Variants in ATRNL1 observed in about 807,000 individuals in gnomAD.
ATRNL1 encodes the protein attractin-like protein 1.
ATRNL1 carries 95 observed loss-of-function variants against 182.7 expected under a neutral mutation model. That is an observed-to-expected ratio of 0.52 (90% CI 0.44 to 0.62). The LOEUF is 0.62. ATRNL1 is among the 20% of genes least tolerant of loss of function. ATRNL1 has a pLI of 0.00. For missense variants in ATRNL1, 1,471 were observed against 1,679.5 expected, an observed-to-expected ratio of 0.88 and a Z score of 2.17; for synonymous variants, 576 against 568.3, an observed-to-expected ratio of 1.01 and a Z score of -0.19.
At chr10:115,122,620 TTTA>T (rs1229584496) in intron 3 of ATRNL1, among the ~76,000 whole-genome samples, 1 of 152,108 alleles carries the variant, frequency 6.6e-6, no homozygotes, top group Non-Finnish European at 1.5e-5. Context: ...AATTTTTCTT[TTTA>T]TTATTCATGT....
chr10:115,688,136 T>C (rs988442859), intron 26 of ATRNL1, among the ~76,000 whole-genome samples: 1 of 152,288 alleles, frequency 6.6e-6, no homozygotes, highest in Admixed American at 6.5e-5. Flanking sequence ...TTGCTGGAAA[T>C]GACATGATTT....
chr10:115,628,388 T>A (rs1858252614), intron 26 of ATRNL1, among the ~76,000 whole-genome samples: 1 of 152,160 alleles, frequency 6.6e-6, no homozygotes, highest in Non-Finnish European at 1.5e-5. Flanking sequence ...TGGAGAAACG[T>A]CTATTCAAGT....
chr10:115,395,895 A>G (rs1844263736), intron 20 of ATRNL1, among the ~76,000 whole-genome samples: 1 of 151,740 alleles, frequency 6.6e-6, no homozygotes, highest in South Asian at 2.1e-4. Context: ...ATACATGTTT[A>G]TATTAGGTAT....
intron 26 of ATRNL1, among the ~76,000 whole-genome samples, chr10:115,641,365 G>A (rs1859235256): frequency 6.6e-6 from 1 of 152,080 alleles, no homozygotes; most frequent in African/African-American, 2.4e-5. Context: ...TTACTTGTTT[G>A]ATAGGCTCTA....
rs1316618069 is a variant in ATRNL1, at chr10:115,190,848, C to T, written c.1348+19556C>T. ...CTATCTGTATTTTTGTACCCATTAA[C>T]CAGCCTCACTTTATCCCCTGCTCTC... On this transcript the variant is annotated intron_variant, in intron 8 of 28. Transcript: ENST00000355044. Among the ~76,000 whole-genome samples, 4 of 152,236 alleles carry T rather than the reference C, an allele frequency of 2.6e-5. No individual in the cohort carries two copies. In the East Asian group the frequency reaches 7.7e-4, roughly 29 times the overall value.
chr10:115,260,756 GAAATTA>G (rs1347605460), intron 10 of ATRNL1, among the ~76,000 whole-genome samples: 1 of 151,952 alleles, frequency 6.6e-6, no homozygotes, highest in Non-Finnish European at 1.5e-5. Context: ...TGAGCTCTTG[GAAATTA>G]AAATTAGGAA....
At chr10:115,877,107 A>G (rs1951717474) in intron 28 of ATRNL1, among the ~76,000 whole-genome samples, 1 of 152,222 alleles carries the variant, frequency 6.6e-6, no homozygotes, top group South Asian at 2.1e-4. Context: ...TGCTATTACC[A>G]TAGAATACTT....
chr10:115,895,387 A>G (rs1429683487), intron 28 of ATRNL1, among the ~76,000 whole-genome samples: 1 of 152,208 alleles, frequency 6.6e-6, no homozygotes, highest in African/African-American at 2.4e-5. Flanking sequence ...TTAGGCATAC[A>G]GGAGCGTGTT....
chr10:115,654,305 T>A (rs1220776166), intron 26 of ATRNL1, among the ~76,000 whole-genome samples: 1 of 151,796 alleles, frequency 6.6e-6, no homozygotes, highest in Non-Finnish European at 1.5e-5. Context: ...CTGCAACCTC[T>A]GCCTCTCGGG....
chr10:115,867,614 T>C (rs1277086481), intron 28 of ATRNL1, among the ~76,000 whole-genome samples: 1 of 152,330 alleles, frequency 6.6e-6, no homozygotes, highest in East Asian at 1.9e-4. Flanking sequence ...CTCTGTCTTG[T>C]GCCGCTTCCA....
chr10:115,777,245 A>C (rs2134180570), intron 27 of ATRNL1, among the ~76,000 whole-genome samples: 1 of 152,338 alleles, frequency 6.6e-6, no homozygotes, highest in Admixed American at 6.5e-5. Context: ...GAGGTGTTTG[A>C]CACCTAGTAA....
chr10:115,178,473 T>C (rs1421407316), intron 8 of ATRNL1, among the ~76,000 whole-genome samples: 2 of 152,194 alleles, frequency 1.3e-5, no homozygotes, highest in Non-Finnish European at 2.9e-5. Flanking sequence ...ATTTTTCATT[T>C]TCTGGAAGTA....
At chr10:115,899,109 C>G (rs1277388964) in intron 28 of ATRNL1, among the ~76,000 whole-genome samples, 1 of 152,082 alleles carries the variant, frequency 6.6e-6, no homozygotes, top group Non-Finnish European at 1.5e-5. Context: ...CTTCCCCCAT[C>G]CCCCACCCCA....
At chr10:115,386,049 T>C (rs1858330507) in intron 19 of ATRNL1, among the ~76,000 whole-genome samples, 1 of 152,110 alleles carries the variant, frequency 6.6e-6, no homozygotes, top group Admixed American at 6.6e-5. Context: ...TGTTTTAAGA[T>C]GTATATAAGT....
chr10:115,633,532 A>G (rs538623724), intron 26 of ATRNL1, among the ~76,000 whole-genome samples: 2 of 152,328 alleles, frequency 1.3e-5, no homozygotes, highest in African/African-American at 2.4e-5. Context: ...CTACATAACC[A>G]TGGGTTCTGA....
intron 2 of ATRNL1, among the ~76,000 whole-genome samples, chr10:115,121,228 T>C (rs1430701795): frequency 6.6e-6 from 1 of 152,096 alleles, no homozygotes; most frequent in Non-Finnish European, 1.5e-5. Context: ...TTCTCCTGCC[T>C]CAGCCTCCTG....
At chr10:115,605,894 A>G (rs1342755510) in intron 26 of ATRNL1, among the ~76,000 whole-genome samples, 1 of 151,990 alleles carries the variant, frequency 6.6e-6, no homozygotes, top group African/African-American at 2.4e-5. Flanking sequence ...CCTAATTCCT[A>G]CAGACTGAGT....
intron 8 of ATRNL1, among the ~76,000 whole-genome samples, chr10:115,171,828 C>G (rs1051271801): frequency 2.6e-5 from 4 of 151,878 alleles, no homozygotes; most frequent in Non-Finnish European, 2.9e-5. Flanking sequence ...TGTACTATAC[C>G]TTTACTCCAT....
chr10:115,549,457 G>T lies in ATRNL1; in HGVS notation c.3717-1G>T. On this transcript the variant is annotated splice_acceptor_variant, in intron 25 of 28. Coordinates refer to ENST00000355044, the MANE Select transcript of ATRNL1 (RefSeq NM_207303.4). LOFTEE classifies it high-confidence loss of function. ...AAAATTATTTGTGTTTTATTTTCCA[G>T]TTGTTTCCTATCCTTATTGCTGGTG... 1 of 1,586,448 alleles carries T rather than the reference G, an allele frequency of 6.3e-7. No individual in the cohort carries two copies. The highest frequency in any genetic ancestry group is 1.8e-5 in the Admixed American group (1 of 56,758).
Sources: gnomAD v4.1 joint callset for allele counts (sites outside exome capture counted in the v4.1 genomes callset) on GRCh38, gnomAD v4.1.1 for gene constraint, MANE v1.5 for transcripts, NCBI Gene and HGNC (gene_info 2026-07-23, HGNC 2026-07-21) for gene names.